The following CLXN variants were observed in gnomAD, a reference collection of about 807,000 sequenced individuals.
CLXN encodes the protein EF-hand calcium binding domain 1.
At chr8:48,729,982 A>C in the CLXN span, 1 of 947,578 alleles carries the variant, frequency 1.1e-6, no homozygotes, top group Middle Eastern at 3.3e-4. Context: ...CACAGGTCTT[A>C]GTGCAGCCTG....
At chr8:48,723,374 T>G in the CLXN span, 16 of 152,352 alleles carry the variant, frequency 1.1e-4, no homozygotes, top group Middle Eastern at 3.4e-3. Flanking sequence ...TGTAAGAATC[T>G]AAAATATAAA....
At chr8:48,729,203 C>T in the CLXN span, 2 of 1,391,736 alleles carry the variant, frequency 1.4e-6, no homozygotes, top group Non-Finnish European at 2.0e-6. Flanking sequence ...CAAATACATG[C>T]TCTTTTCATA....
the CLXN span, among the ~76,000 whole-genome samples, chr8:48,726,010 T>C: frequency 9.2e-6 from 1 of 108,740 alleles, no homozygotes; most frequent in African/African-American, 3.6e-5. Flanking sequence ...ATCCACCTCA[T>C]CCATTAATCC....
At chr8:48,714,138 G>C in the CLXN span, among the ~76,000 whole-genome samples, 1 of 152,204 alleles carries the variant, frequency 6.6e-6, no homozygotes, top group Non-Finnish European at 1.5e-5. Context: ...GTACTTAGCG[G>C]GGAGAAAAGT....
the CLXN span, among the ~76,000 whole-genome samples, chr8:48,734,220 G>A: frequency 2.0e-5 from 3 of 152,138 alleles, no homozygotes; most frequent in African/African-American, 7.2e-5. Flanking sequence ...TTATTTGGGG[G>A]ATTGTTGCTT....
At chr8:48,721,202 A>T in the CLXN span, among the ~76,000 whole-genome samples, 1 of 152,194 alleles carries the variant, frequency 6.6e-6, no homozygotes, top group Non-Finnish European at 1.5e-5. Flanking sequence ...TAAAAAACTC[A>T]TTCCTAATAG....
the CLXN span, among the ~76,000 whole-genome samples, chr8:48,732,073 T>A: frequency 6.6e-6 from 1 of 152,170 alleles, no homozygotes; most frequent in South Asian, 2.1e-4. Context: ...AACATGCAAC[T>A]ATTCAGTAAT....
chr8:48,711,442 C>T, the CLXN span: 2 of 152,376 alleles, frequency 1.3e-5, no homozygotes, highest in South Asian at 2.1e-4. Context: ...AGTGACCACT[C>T]CATGTTCTCC....
At chr8:48,728,097 ACT>A in the CLXN span, among the ~76,000 whole-genome samples, 1 of 152,090 alleles carries the variant, frequency 6.6e-6, no homozygotes, top group Non-Finnish European at 1.5e-5. Flanking sequence ...GAAGAGTGAT[ACT>A]GTTTCTATAT....
chr8:48,713,038 T>G, the CLXN span, among the ~76,000 whole-genome samples: 1 of 151,550 alleles, frequency 6.6e-6, no homozygotes, highest in East Asian at 1.9e-4. Flanking sequence ...CTGAGCAAGT[T>G]TACTTGAGAT....
chr8:48,722,429 A>G, the CLXN span, among the ~76,000 whole-genome samples: 1 of 152,234 alleles, frequency 6.6e-6, no homozygotes, highest in East Asian at 1.9e-4. Flanking sequence ...ACTTCTAGGT[A>G]TACAACCAAA....
chr8:48,726,012 C>T, the CLXN span, among the ~76,000 whole-genome samples: 1 of 145,848 alleles, frequency 6.9e-6, no homozygotes, highest in Non-Finnish European at 1.5e-5. Flanking sequence ...CCACCTCATC[C>T]ATTAATCCAT....
At chr8:48,732,849 C>T in the CLXN span, among the ~76,000 whole-genome samples, 1 of 152,120 alleles carries the variant, frequency 6.6e-6, no homozygotes, top group Non-Finnish European at 1.5e-5. Context: ...ATAAGCCAGA[C>T]ACAAAAGGAC....
the CLXN span, among the ~76,000 whole-genome samples, chr8:48,724,994 C>A: frequency 6.6e-6 from 1 of 152,166 alleles, no homozygotes; most frequent in Non-Finnish European, 1.5e-5. Context: ...TATGTGGCCA[C>A]AAAGATGAGC....
At chr8:48,735,002 G>A in the CLXN span, 1 of 1,446,838 alleles carries the variant, frequency 6.9e-7, no homozygotes, top group Non-Finnish European at 9.5e-7. Flanking sequence ...CCCAGCAGGC[G>A]GGAAGCAGGC....
At chr8:48,724,754 G>C in the CLXN span, 1 of 1,610,542 alleles carries the variant, frequency 6.2e-7, no homozygotes, top group East Asian at 2.2e-5. Context: ...ACATATCATT[G>C]AATTCATTTG....
chr8:48,724,866 T>C, the CLXN span: 1 of 1,353,126 alleles, frequency 7.4e-7, no homozygotes, highest in Non-Finnish European at 1.0e-6. Flanking sequence ...CAAAATATTC[T>C]GTATGTCTCC....
the CLXN span, among the ~76,000 whole-genome samples, chr8:48,733,140 C>T: frequency 6.6e-6 from 1 of 151,978 alleles, no homozygotes; most frequent in Non-Finnish European, 1.5e-5. Context: ...CACAAACCTC[C>T]TAAAAAGCAA....
the CLXN span, chr8:48,735,217 G>A: frequency 6.3e-7 from 1 of 1,588,314 alleles, no homozygotes; most frequent in South Asian, 1.1e-5. Context: ...AGACCCTCGC[G>A]GGACCCCCGC....
Sources: allele counts gnomAD v4.1 joint callset (sites outside exome capture counted in the v4.1 genomes callset), GRCh38; gene constraint gnomAD v4.1.1; transcripts MANE v1.5; gene names NCBI Gene and HGNC (gene_info 2026-07-23, HGNC 2026-07-21).